Variants in FTCDNL1 observed in about 807,000 individuals in gnomAD.
The protein encoded by FTCDNL1 is formiminotransferase cyclodeaminase N-terminal like, also known as formiminotransferase N-terminal subdomain-containing protein.
FTCDNL1 carries 11 observed loss-of-function variants against 5.9 expected under a neutral mutation model. That is an observed-to-expected ratio of 1.87 (90% CI 1.18 to 3.10). FTCDNL1 has a LOEUF of 3.10. FTCDNL1 is among the 30% of genes most tolerant of loss of function. The pLI, the probability that FTCDNL1 is intolerant of heterozygous loss-of-function variation, is 0.00. For missense variants in FTCDNL1, 115 were observed against 65.5 expected, an observed-to-expected ratio of 1.76 and a Z score of -2.61; for synonymous variants, 58 against 24.8, an observed-to-expected ratio of 2.34 and a Z score of -3.99.
At chr2:199,687,549 T>C in the FTCDNL1 span, among the ~76,000 whole-genome samples, 1 of 152,302 alleles carries the variant, frequency 6.6e-6, no homozygotes, top group South Asian at 2.1e-4. Context: ...TCTTTGGTCA[T>C]TGGCTGTGCT....
At chr2:199,796,028 C>T (rs998363546) in intron 3 of FTCDNL1, among the ~76,000 whole-genome samples, 1 of 151,952 alleles carries the variant, frequency 6.6e-6, no homozygotes, top group Non-Finnish European at 1.5e-5. Context: ...ATTTTGGCCT[C>T]AGAGACAATC....
chr2:199,793,682 G>A (rs1700041600), intron 3 of FTCDNL1, among the ~76,000 whole-genome samples: 2 of 152,092 alleles, frequency 1.3e-5, no homozygotes, highest in Non-Finnish European at 2.9e-5. Flanking sequence ...GCACACATGA[G>A]TAAAGAAAAT....
chr2:199,825,439 G>T (rs1014652388), intron 3 of FTCDNL1, among the ~76,000 whole-genome samples: 1 of 152,186 alleles, frequency 6.6e-6, no homozygotes, highest in African/African-American at 2.4e-5. Flanking sequence ...TAATGTTTAG[G>T]TAGTGATATA....
the FTCDNL1 span, among the ~76,000 whole-genome samples, chr2:199,722,010 T>G: frequency 6.6e-6 from 1 of 152,234 alleles, no homozygotes; most frequent in African/African-American, 2.4e-5. Context: ...AAGTTCCTTG[T>G]AGATTCTGGA....
At chr2:199,762,398 G>GTTTACAAA (rs1698314914) in intron 3 of FTCDNL1, among the ~76,000 whole-genome samples, 1 of 152,136 alleles carries the variant, frequency 6.6e-6, no homozygotes, top group African/African-American at 2.4e-5. Flanking sequence ...CAGAAAGAAA[G>GTTTACAAA]TTTACAAATT....
intron 3 of FTCDNL1, among the ~76,000 whole-genome samples, chr2:199,766,373 T>C (rs776383711): frequency 5.9e-5 from 9 of 152,228 alleles, no homozygotes; most frequent in Admixed American, 3.3e-4. Context: ...GACATCATCA[T>C]AGCCTTCCCA....
intron 2 of FTCDNL1, among the ~76,000 whole-genome samples, chr2:199,848,323 A>T (rs1189115890): frequency 1.3e-5 from 2 of 152,216 alleles, no homozygotes; most frequent in Non-Finnish European, 2.9e-5. Flanking sequence ...ATTTAAATGC[A>T]CTTGCCTAAC....
chr2:199,700,408 C>CA, the FTCDNL1 span, among the ~76,000 whole-genome samples: 3 of 152,058 alleles, frequency 2.0e-5, no homozygotes, highest in Admixed American at 6.6e-5. Context: ...ACAACACAAA[C>CA]AAACAAACAA....
the FTCDNL1 span, among the ~76,000 whole-genome samples, chr2:199,687,579 C>A: frequency 3.3e-5 from 5 of 152,248 alleles, no homozygotes; most frequent in Non-Finnish European, 5.9e-5. Context: ...AAAGTCTTTG[C>A]ACCTGGAGGT....
chr2:199,741,407 A>T, the FTCDNL1 span, among the ~76,000 whole-genome samples: 1 of 152,232 alleles, frequency 6.6e-6, no homozygotes, highest in Non-Finnish European at 1.5e-5. Context: ...AACTCCTTGT[A>T]GGAAGTAGCA....
rs17444963 is a variant in FTCDNL1 at position 199,763,646 on chromosome 2, C to T, written c.212-2811G>A. On this transcript the variant is annotated intron_variant, in intron 3 of 3. Transcript: ENST00000416668. ...CAACTTGGGGATTTGAATGCCGAGA[C>T]TATTTCATAGGGAAGGACCTCTCCC... is the stretch of plus-strand genomic sequence containing the variant. 8.1e-3 allele frequency among the ~76,000 whole-genome samples: 1,236 copies of T among 152,082 alleles called. 34 individuals carry two copies. The highest frequency in any genetic ancestry group is 0.046 in the Admixed American group (695 of 15,254).
chr2:199,819,827 T>A, intron 3 of FTCDNL1, 70 bp from the exon 4 acceptor site: 1 of 650,820 alleles, frequency 1.5e-6, no homozygotes, highest in Non-Finnish European at 2.8e-6. Flanking sequence ...AAGCATATAA[T>A]TTTTTTGCTG....
At chr2:199,693,223 G>A in the FTCDNL1 span, among the ~76,000 whole-genome samples, 49 of 152,304 alleles carry the variant, frequency 3.2e-4, no homozygotes, top group Non-Finnish European at 5.6e-4. Context: ...TTGCATTTGT[G>A]TACATTAATC....
At chr2:199,755,704 C>A (rs1405337654), downstream of FTCDNL1, among the ~76,000 whole-genome samples, 2 of 152,134 alleles carry the variant, frequency 1.3e-5, no homozygotes, top group Non-Finnish European at 1.5e-5. Context: ...TGCCCAGGTT[C>A]AAATCCCAGC....
chr2:199,771,728 G>T (rs1698819936), intron 3 of FTCDNL1, among the ~76,000 whole-genome samples: 1 of 152,170 alleles, frequency 6.6e-6, no homozygotes, highest in Admixed American at 6.5e-5. Flanking sequence ...ATGACAGCAA[G>T]CAATGTTATG....
At chr2:199,751,382 C>T in the FTCDNL1 span, among the ~76,000 whole-genome samples, 1 of 152,138 alleles carries the variant, frequency 6.6e-6, no homozygotes, top group African/African-American at 2.4e-5. Context: ...TGAAATGATG[C>T]CCAAAAGAGA....
intron 3 of FTCDNL1, among the ~76,000 whole-genome samples, chr2:199,796,578 T>C (rs1700182045): frequency 6.6e-6 from 1 of 152,160 alleles, no homozygotes; most frequent in Non-Finnish European, 1.5e-5. Flanking sequence ...CAATCAACTG[T>C]AGGTCAGTCA....
At chr2:199,734,494 A>C in the FTCDNL1 span, among the ~76,000 whole-genome samples, 1 of 152,232 alleles carries the variant, frequency 6.6e-6, no homozygotes. Flanking sequence ...AAATTATCTA[A>C]ATATCCCATT....
At chr2:199,850,237 A>G (rs1453758910) in intron 1 of FTCDNL1, among the ~76,000 whole-genome samples, 1 of 152,218 alleles carries the variant, frequency 6.6e-6, no homozygotes, top group East Asian at 1.9e-4. Context: ...TTGTTGTAAT[A>G]AAGCAACCCA....
Sources: allele counts gnomAD v4.1 joint callset (sites outside exome capture counted in the v4.1 genomes callset), GRCh38; gene constraint gnomAD v4.1.1; transcripts MANE v1.5; gene names NCBI Gene and HGNC (gene_info 2026-07-23, HGNC 2026-07-21).